The following CCSER2 variants were observed in gnomAD, a reference collection of about 807,000 sequenced individuals.
The protein encoded by CCSER2 is serine-rich coiled-coil domain-containing protein 2.
Under a neutral mutation model 92.3 loss-of-function variants are expected in CCSER2, and 46 were observed. The ratio of observed to expected loss-of-function variants is 0.50; its 90% CI spans 0.39 to 0.64. The LOEUF (loss-of-function observed/expected upper bound fraction) is 0.64. Ranked by LOEUF, CCSER2 falls within the 30% of genes least tolerant of loss-of-function variation. CCSER2 has a pLI of 0.00. For synonymous variants in CCSER2, 433 were observed against 431.4 expected (o/e 1.00, Z -0.04); for missense variants, 1,244 against 1,238.9 (o/e 1.00, Z -0.06).
At chr10:84,405,907 A>T (rs1842352085) in intron 3 of CCSER2, among the ~76,000 whole-genome samples, 1 of 152,220 alleles carries the variant, frequency 6.6e-6, no homozygotes, top group African/African-American at 2.4e-5. Context: ...AGAAGTAAAC[A>T]TACACTCACT....
intron 3 of CCSER2, among the ~76,000 whole-genome samples, chr10:84,396,447 C>G (rs181998162): frequency 6.6e-6 from 1 of 151,358 alleles, no homozygotes; most frequent in Admixed American, 6.6e-5. Context: ...AGTTTACTTA[C>G]GTTAGTTGTT....
intron 9 of CCSER2, among the ~76,000 whole-genome samples, chr10:84,483,956 TATATATATATA>T (rs1847621408): frequency 1.1e-3 from 94 of 89,154 alleles, no homozygotes; most frequent in African/African-American, 6.4e-3. Context: ...GGCTAATTTA[TATATATATATA>T]TATATATATA....
intron 3 of CCSER2, among the ~76,000 whole-genome samples, chr10:84,397,197 G>A (rs1170904531): frequency 1.3e-5 from 2 of 152,086 alleles, no homozygotes; most frequent in African/African-American, 2.4e-5. Flanking sequence ...AATCTTAAGT[G>A]CATTGATTAA....
At chr10:84,346,034 C>G (rs1844454624) in intron 1 of CCSER2, among the ~76,000 whole-genome samples, 1 of 152,090 alleles carries the variant, frequency 6.6e-6, no homozygotes, top group South Asian at 2.1e-4. Context: ...TTTCTTCACC[C>G]AATAGCTTTT....
intron 1 of CCSER2, among the ~76,000 whole-genome samples, chr10:84,343,959 A>AT (rs1844340720): frequency 6.6e-6 from 1 of 152,230 alleles, no homozygotes. Flanking sequence ...ATGCTGTTTA[A>AT]TTGTCAGTTA....
intron 3 of CCSER2, among the ~76,000 whole-genome samples, chr10:84,381,540 T>G (rs1314630806): frequency 6.6e-6 from 1 of 152,168 alleles, no homozygotes; most frequent in African/African-American, 2.4e-5. Context: ...CTACCTGCTT[T>G]CCTTTTGGGA....
At chr10:84,384,746 G>A (rs1841096542) in intron 3 of CCSER2, among the ~76,000 whole-genome samples, 1 of 152,012 alleles carries the variant, frequency 6.6e-6, no homozygotes, top group Admixed American at 6.6e-5. Context: ...ACTCCTATCA[G>A]CATAGTCCTA....
intron 9 of CCSER2, among the ~76,000 whole-genome samples, chr10:84,478,595 A>T (rs527343251): frequency 6.6e-6 from 1 of 152,340 alleles, no homozygotes; most frequent in South Asian, 2.1e-4. Context: ...AATGGTAGGA[A>T]TTAATTTATT....
intron 4 of CCSER2, among the ~76,000 whole-genome samples, chr10:84,419,196 A>G (rs547679380): frequency 5.9e-5 from 9 of 152,234 alleles, no homozygotes; most frequent in South Asian, 2.1e-4. Flanking sequence ...TTTTAGTTCA[A>G]ACAGTCAAGC....
At chr10:84,436,508 A>C (rs11201036) in intron 5 of CCSER2, among the ~76,000 whole-genome samples, 1 of 149,980 alleles carries the variant, frequency 6.7e-6, no homozygotes, top group Admixed American at 6.7e-5. Flanking sequence ...GCTGGCGGGC[A>C]CCTGTAGTCC....
At chr10:84,347,305 C>T (rs566061383) in intron 1 of CCSER2, among the ~76,000 whole-genome samples, 12 of 152,306 alleles carry the variant, frequency 7.9e-5, no homozygotes, top group South Asian at 2.1e-4. Context: ...ACCTCCTAGA[C>T]GGGGTGGTGG....
Position 84,425,760 on chromosome 10 carries a change from C to T in CCSER2, c.1735C>T (p.Arg579Ter). The change falls in exon 5 of 10, where the codon CGA (arginine) becomes TGA (stop). Residue 579 changes from arginine (R) to a stop codon, truncating the protein, a stop_gained. Coordinates refer to ENST00000372088, the MANE Select transcript of CCSER2 (RefSeq NM_001284240.2). LOFTEE classifies it high-confidence loss of function. ...VECDNMNRFD[R>*]PDRNVRQPQE... Reference sequence around the variant, plus strand: ...GTGTGACAATATGAACCGCTTTGACCGACCAGACAGAAATGTTCGGCAGCC... The same window carrying T: ...GTGTGACAATATGAACCGCTTTGACTGACCAGACAGAAATGTTCGGCAGCC... 3 of 1,612,718 alleles carry T rather than the reference C, an allele frequency of 1.9e-6. No homozygotes were observed. Among genetic ancestry groups the T allele is most frequent in the Non-Finnish European group, 2.5e-6 (3 of 1,179,236 alleles).
In CCSER2 at chr10:84,438,600, G is replaced by T. The variant is rs1844331163; in HGVS notation, c.1957G>T (p.Val653Leu). The change falls in exon 6 of 10, where the codon GTA becomes TTA. Residue 653 changes from valine (V) to leucine (L), a missense_variant. Transcript: ENST00000372088. ...FFQAQKMFVD[V>L]PENTVILDEM... Reference sequence around the variant, plus strand: ...CCAGGCTCAGAAGATGTTTGTTGATGTACCAGAAAATACAGTGATACTGGA... The same window carrying T: ...CCAGGCTCAGAAGATGTTTGTTGATTTACCAGAAAATACAGTGATACTGGA... The T allele has an allele frequency of 6.2e-7, 1 of 1,613,226 alleles. No individual in the cohort carries two copies. Among genetic ancestry groups the T allele is most frequent in the Non-Finnish European group, 8.5e-7 (1 of 1,179,264 alleles).
chr10:84,436,077 C>A (rs1158965628), intron 5 of CCSER2, among the ~76,000 whole-genome samples: 1 of 152,084 alleles, frequency 6.6e-6, no homozygotes, highest in Non-Finnish European at 1.5e-5. Context: ...CGCCTGTAAT[C>A]CCACCACTTT....
At chr10:84,352,935 C>T (rs1334227562) in intron 1 of CCSER2, among the ~76,000 whole-genome samples, 2 of 152,054 alleles carry the variant, frequency 1.3e-5, no homozygotes, top group Non-Finnish European at 2.9e-5. Context: ...GGATTACAGG[C>T]ATGTGCCCCC....
At chr10:84,384,352 A>T (rs984280384) in intron 3 of CCSER2, among the ~76,000 whole-genome samples, 1 of 152,190 alleles carries the variant, frequency 6.6e-6, no homozygotes, top group African/African-American at 2.4e-5. Flanking sequence ...AGTATCCTTG[A>T]TGAACACACA....
Position 84,513,587 on chromosome 10 carries a change from G to T in CCSER2, c.2464G>T (p.Glu822Ter). The change falls in exon 10 of 10, where the codon GAA becomes TAA. Residue 822 changes from glutamate (E) to a stop codon, truncating the protein, a stop_gained. Coordinates refer to ENST00000372088, the MANE Select transcript of CCSER2 (RefSeq NM_001284240.2). LOFTEE classifies it high-confidence loss of function. ...DMHQGGAHPE[E>*]SFTHVLHQES... ...GCATCAGGGCGGTGCACATCCGGAA[G>T]AAAGCTTTACACACGTCTTGCACCA... 6.2e-7 allele frequency: 1 copy of T among 1,613,772 alleles called. No homozygotes were observed. Among genetic ancestry groups the T allele is most frequent in the South Asian group, 1.1e-5 (1 of 91,072 alleles).
At chr10:84,406,290 A>G (rs1842372663) in intron 3 of CCSER2, among the ~76,000 whole-genome samples, 2 of 152,208 alleles carry the variant, frequency 1.3e-5, no homozygotes, top group Admixed American at 6.5e-5. Context: ...ATAACTGGAT[A>G]GTGTGAGGGA....
intron 6 of CCSER2, chr10:84,456,060 G>A (rs570959591): frequency 1.1e-4 from 47 of 430,428 alleles, no homozygotes; most frequent in Non-Finnish European, 1.7e-4. Flanking sequence ...AGCCTAGATC[G>A]GGCTGGGTCA....
Sources: allele counts gnomAD v4.1 joint callset (sites outside exome capture counted in the v4.1 genomes callset), GRCh38; gene constraint gnomAD v4.1.1; transcripts MANE v1.5; gene names NCBI Gene and HGNC (gene_info 2026-07-23, HGNC 2026-07-21).